The following NLGN1 variants were observed in gnomAD, a reference collection of about 807,000 sequenced individuals.
NLGN1 encodes the protein neuroligin-1.
A neutral mutation model predicts 65.5 loss-of-function variants in NLGN1; 12 were observed. The ratio of observed to expected loss-of-function variants is 0.18; its 90% CI spans 0.12 to 0.30. The LOEUF is 0.30. Among genes scored for constraint, NLGN1 ranks in the 10% least tolerant of loss-of-function variants. The pLI, the probability that NLGN1 is intolerant of heterozygous loss-of-function variation, is 1.00. For synonymous variants in NLGN1, 350 were observed against 359.5 expected (o/e 0.97, Z 0.30); for missense variants, 750 against 1,007.1 (o/e 0.74, Z 3.46).
chr3:174,246,528 C>T (rs1023394538), intron 4 of NLGN1, among the ~76,000 whole-genome samples: 7 of 152,136 alleles, frequency 4.6e-5, no homozygotes, highest in Non-Finnish European at 7.3e-5. Flanking sequence ...AAGTGATCCT[C>T]CGGCTTCAGC....
At chr3:174,277,269 A>G (rs1750752482) in intron 5 of NLGN1, among the ~76,000 whole-genome samples, 1 of 151,910 alleles carries the variant, frequency 6.6e-6, no homozygotes, top group Non-Finnish European at 1.5e-5. Context: ...TTTAAAGGCA[A>G]TAAATCCCAC....
intron 3 of NLGN1, among the ~76,000 whole-genome samples, chr3:173,690,067 G>A (rs1765239942): frequency 1.3e-5 from 2 of 152,212 alleles, no homozygotes; most frequent in South Asian, 2.1e-4. Flanking sequence ...AGAATTTTCC[G>A]AATATTAATC....
intron 1 of NLGN1, among the ~76,000 whole-genome samples, chr3:173,405,851 T>C (rs1162075045): frequency 6.6e-6 from 1 of 152,084 alleles, no homozygotes; most frequent in Non-Finnish European, 1.5e-5. Flanking sequence ...CAAATGTATG[T>C]TTAGGCTAAT....
At chr3:173,572,418 A>C (rs988884061) in intron 2 of NLGN1, among the ~76,000 whole-genome samples, 4 of 152,250 alleles carry the variant, frequency 2.6e-5, no homozygotes, top group African/African-American at 4.8e-5. Context: ...GATTGGATGA[A>C]AGTTAGATGA....
intron 4 of NLGN1, among the ~76,000 whole-genome samples, chr3:174,218,137 C>A (rs1737972809): frequency 6.6e-6 from 1 of 152,018 alleles, no homozygotes; most frequent in Admixed American, 6.6e-5. Flanking sequence ...TTTAAATAAT[C>A]AAGCAAGGTT....
chr3:174,263,067 T>C (rs1307214717), intron 4 of NLGN1, among the ~76,000 whole-genome samples: 1 of 142,886 alleles, frequency 7.0e-6, no homozygotes, highest in Non-Finnish European at 1.5e-5. Context: ...TTATAATGTC[T>C]GTTCTTTTAC....
chr3:174,056,191 T>A (rs1291806119), intron 4 of NLGN1, among the ~76,000 whole-genome samples: 1 of 152,044 alleles, frequency 6.6e-6, no homozygotes, highest in Non-Finnish European at 1.5e-5. Flanking sequence ...TTCTTAACTA[T>A]AACATTCTAC....
chr3:173,596,844 C>G (rs1351042177), intron 2 of NLGN1, among the ~76,000 whole-genome samples: 1 of 152,102 alleles, frequency 6.6e-6, no homozygotes, highest in Non-Finnish European at 1.5e-5. Flanking sequence ...CCTTCTGGTA[C>G]TGCTTAAGTC....
At chr3:173,733,067 C>T (rs1481596378) in intron 3 of NLGN1, among the ~76,000 whole-genome samples, 3 of 151,734 alleles carry the variant, frequency 2.0e-5, no homozygotes, top group African/African-American at 4.8e-5. Flanking sequence ...GGTTTAAATA[C>T]GAGATGGAAA....
intron 2 of NLGN1, among the ~76,000 whole-genome samples, chr3:173,542,688 A>G (rs1739096935): frequency 6.6e-6 from 1 of 151,968 alleles, no homozygotes; most frequent in African/African-American, 2.4e-5. Context: ...GGTATTTTAC[A>G]GTATGAGGAC....
At chr3:173,611,138 T>C (rs569498314) in intron 3 of NLGN1, among the ~76,000 whole-genome samples, 33 of 152,154 alleles carry the variant, frequency 2.2e-4, no homozygotes, top group African/African-American at 7.0e-4. Context: ...TCTGCTGTTA[T>C]CTGATTCTTT....
chr3:173,900,719 A>G (rs1269726004), intron 4 of NLGN1, among the ~76,000 whole-genome samples: 1 of 152,038 alleles, frequency 6.6e-6, no homozygotes, highest in African/African-American at 2.4e-5. Context: ...CATGCAAAGT[A>G]CAAAGATCCA....
Position 174,045,521 on chromosome 3 carries a change from G to A in NLGN1, c.647-229794G>A, listed in dbSNP as rs968584034. On this transcript the variant is annotated intron_variant, in intron 4 of 6. Transcript: ENST00000457714. ...TATAATTCAGATTACAATCCAAGATGAGATTTGGGTGGAGATACAGAGCCA... is the reference window on the plus strand; with the variant it reads ...TATAATTCAGATTACAATCCAAGATAAGATTTGGGTGGAGATACAGAGCCA... Among the ~76,000 whole-genome samples the A allele has an allele frequency of 4.6e-5, 7 of 152,078 alleles. No homozygotes were observed. The South Asian group carries it at 6.2e-4, about 14-fold the overall frequency.
chr3:173,485,249 C>T (rs926355758), intron 2 of NLGN1, among the ~76,000 whole-genome samples: 2 of 150,902 alleles, frequency 1.3e-5, no homozygotes, highest in African/African-American at 5.0e-5. Flanking sequence ...GTCCCTCCCA[C>T]AACATGTGGG....
chr3:174,052,801 A>G (rs944049971), intron 4 of NLGN1, among the ~76,000 whole-genome samples: 1 of 152,062 alleles, frequency 6.6e-6, no homozygotes, highest in African/African-American at 2.4e-5. Flanking sequence ...AAATTAGACA[A>G]CAAAATTCAC....
chr3:173,809,910 G>T (rs1717516340), intron 4 of NLGN1, among the ~76,000 whole-genome samples: 1 of 152,146 alleles, frequency 6.6e-6, no homozygotes, highest in African/African-American at 2.4e-5. Context: ...ATTTCCCAGT[G>T]TTAAATATTT....
intron 3 of NLGN1, among the ~76,000 whole-genome samples, chr3:173,683,793 G>A (rs17181418): frequency 0.1 from 15,251 of 152,044 alleles, 792 homozygotes; most frequent in Middle Eastern, 0.24. Flanking sequence ...ATAGTGCTTC[G>A]TGCTTTGCAT....
intron 4 of NLGN1, among the ~76,000 whole-genome samples, chr3:174,201,347 GAAGGAAGGA>G (rs1734444608): frequency 2.0e-3 from 41 of 20,084 alleles, no homozygotes; most frequent in East Asian, 0.018. Flanking sequence ...TGGGAGGAAT[GAAGGAAGGA>G]AGGAAGGAAG....
chr3:174,106,193 A>G (rs1713752190), intron 4 of NLGN1, among the ~76,000 whole-genome samples: 1 of 152,116 alleles, frequency 6.6e-6, no homozygotes, highest in African/African-American at 2.4e-5. Flanking sequence ...AGCTCGCATA[A>G]AGTTTATATA....
Sources: allele counts gnomAD v4.1 joint callset (sites outside exome capture counted in the v4.1 genomes callset), GRCh38; gene constraint gnomAD v4.1.1; transcripts MANE v1.5; gene names NCBI Gene and HGNC (gene_info 2026-07-23, HGNC 2026-07-21).